The following ESRRG variants were observed in gnomAD, a reference collection of about 807,000 sequenced individuals.
ESRRG encodes estrogen-related receptor gamma.
A neutral mutation model predicts 44.0 loss-of-function variants in ESRRG; 13 were observed. The observed-to-expected ratio is 0.30, with a 90% CI of 0.19 to 0.47. ESRRG has a LOEUF of 0.47. ESRRG is among the 20% of genes least tolerant of loss of function. The pLI is 1.00. For synonymous variants in ESRRG, 215 were observed against 214.6 expected, an observed-to-expected ratio of 1.00 and a Z score of -0.02; for missense variants, 395 against 580.6, an observed-to-expected ratio of 0.68 and a Z score of 3.29.
intron 2 of ESRRG, among the ~76,000 whole-genome samples, chr1:216,854,383 A>AG (rs1396138547): frequency 7.3e-6 from 1 of 137,884 alleles, no homozygotes; most frequent in African/African-American, 2.6e-5. Context: ...AAAAAAGCAA[A>AG]GAAAAAAAAG....
intron 2 of ESRRG, among the ~76,000 whole-genome samples, chr1:216,833,807 T>C (rs1052075064): frequency 7.9e-5 from 12 of 152,156 alleles, no homozygotes; most frequent in African/African-American, 2.9e-4. Flanking sequence ...GTGCTACCCA[T>C]GCATAGCTCC....
intron 3 of ESRRG, among the ~76,000 whole-genome samples, chr1:216,641,877 A>G (rs1017554140): frequency 6.6e-6 from 1 of 152,186 alleles, no homozygotes; most frequent in Non-Finnish European, 1.5e-5. Context: ...TCCCTACAAC[A>G]TCTCTCACAG....
chr1:217,084,742 A>T (rs2091973992), intron 1 of ESRRG, among the ~76,000 whole-genome samples: 1 of 152,210 alleles, frequency 6.6e-6, no homozygotes, highest in African/African-American at 2.4e-5. Flanking sequence ...ATTTTAGCAG[A>T]TACACCATAA....
At chr1:217,024,168 C>A (rs1481934610) in intron 1 of ESRRG, among the ~76,000 whole-genome samples, 1 of 152,056 alleles carries the variant, frequency 6.6e-6, no homozygotes, top group Non-Finnish European at 1.5e-5. Flanking sequence ...ACCATCCTGG[C>A]TAACACGGTG....
chr1:216,556,147 CT>C (rs1229268454), intron 5 of ESRRG, among the ~76,000 whole-genome samples: 1 of 152,034 alleles, frequency 6.6e-6, no homozygotes, highest in Non-Finnish European at 1.5e-5. Context: ...GAGGCTTTCT[CT>C]CTTTAACTTA....
chr1:216,829,882 C>A (rs540343523), intron 2 of ESRRG, among the ~76,000 whole-genome samples: 155 of 152,224 alleles, frequency 1.0e-3, no homozygotes, highest in African/African-American at 3.7e-3. Context: ...ACCACCCTAC[C>A]TCACTGCCTT....
chr1:217,000,470 A>T (rs963138907), intron 1 of ESRRG: 2 of 152,182 alleles, frequency 1.3e-5, no homozygotes, highest in African/African-American at 4.8e-5. Context: ...AGGACATAAG[A>T]TATATTGAAC....
chr1:216,879,426 C>A (rs898765228), intron 2 of ESRRG, among the ~76,000 whole-genome samples: 2 of 149,792 alleles, frequency 1.3e-5, no homozygotes, highest in African/African-American at 4.9e-5. Flanking sequence ...GCTAGGCTGT[C>A]CCAGTTTCAT....
chr1:216,890,061 T>G (rs973953116), intron 2 of ESRRG, among the ~76,000 whole-genome samples: 5 of 152,032 alleles, frequency 3.3e-5, no homozygotes, highest in African/African-American at 1.2e-4. Context: ...GGCCAGGAGT[T>G]CAAGACCAGC....
At chr1:216,755,476 A>G (rs1034688685) in intron 2 of ESRRG, among the ~76,000 whole-genome samples, 4 of 152,104 alleles carry the variant, frequency 2.6e-5, no homozygotes, top group Non-Finnish European at 5.9e-5. Flanking sequence ...TCAATTATAT[A>G]CAAACTACAT....
chr1:217,006,855 T>A (rs554490579), intron 1 of ESRRG, among the ~76,000 whole-genome samples: 1 of 152,212 alleles, frequency 6.6e-6, no homozygotes, highest in South Asian at 2.1e-4. Context: ...GATTTGGGAT[T>A]TTCAGATTAG....
chr1:216,961,734 TATC>T (rs2069130115), intron 1 of ESRRG, among the ~76,000 whole-genome samples: 1 of 152,154 alleles, frequency 6.6e-6, no homozygotes, highest in African/African-American at 2.4e-5. Context: ...TTGTAACATA[TATC>T]ATGTTCTCAA....
chr1:216,796,613 G>A (rs2094476472), intron 2 of ESRRG, among the ~76,000 whole-genome samples: 2 of 152,004 alleles, frequency 1.3e-5, no homozygotes, highest in Admixed American at 6.6e-5. Flanking sequence ...TCCTTCACTG[G>A]CCTCTACTGT....
intron 1 of ESRRG, among the ~76,000 whole-genome samples, chr1:217,113,957 T>A (rs1021280161): frequency 2.0e-5 from 3 of 151,888 alleles, no homozygotes; most frequent in Non-Finnish European, 4.4e-5. Context: ...CACACACCAC[T>A]GCAAACACTC....
At chr1:216,564,089 T>C (rs1015433353) in intron 5 of ESRRG, 130 bp downstream of exon 5, 1 of 500,648 alleles carries the variant, frequency 2.0e-6, no homozygotes, top group Non-Finnish European at 3.5e-6. Context: ...CTCTAAATTA[T>C]GATTAAAAAT....
At chr1:216,908,171 T>A (rs2059896675) in intron 2 of ESRRG, among the ~76,000 whole-genome samples, 1 of 152,198 alleles carries the variant, frequency 6.6e-6, no homozygotes, top group Non-Finnish European at 1.5e-5. Flanking sequence ...TCCATCCTTG[T>A]CGGAAGTCAC....
At chr1:216,516,505 A>C (rs2044296858) in intron 6 of ESRRG, among the ~76,000 whole-genome samples, 1 of 152,120 alleles carries the variant, frequency 6.6e-6, no homozygotes, top group Non-Finnish European at 1.5e-5. Flanking sequence ...TAAGTAAATG[A>C]GTCAATGGTT....
At chr1:217,082,053 TCA>T (rs1341799700) in intron 1 of ESRRG, among the ~76,000 whole-genome samples, 1 of 152,236 alleles carries the variant, frequency 6.6e-6, no homozygotes, top group African/African-American at 2.4e-5. Flanking sequence ...GTGAGAATTG[TCA>T]GTCTCACTAC....
At chr1:216,938,337 T>A (rs1052530201) in intron 2 of ESRRG, among the ~76,000 whole-genome samples, 1 of 152,166 alleles carries the variant, frequency 6.6e-6, no homozygotes, top group Non-Finnish European at 1.5e-5. Context: ...GATGTAGGTA[T>A]CACTAATATT....
Sources: gnomAD v4.1 joint callset for allele counts (sites outside exome capture counted in the v4.1 genomes callset) on GRCh38, gnomAD v4.1.1 for gene constraint, MANE v1.5 for transcripts, NCBI Gene and HGNC (gene_info 2026-07-23, HGNC 2026-07-21) for gene names.